The following NEGR1 variants were observed in gnomAD, a reference collection of about 807,000 sequenced individuals.
The protein encoded by NEGR1 is neuronal growth regulator 1.
NEGR1 carries 10 observed loss-of-function variants against 40.9 expected under a neutral mutation model. The ratio of observed to expected loss-of-function variants is 0.24; its 90% CI spans 0.15 to 0.42. The LOEUF is 0.42. NEGR1 is among the 10% of genes least tolerant of loss of function. The pLI, the probability that NEGR1 is intolerant of heterozygous loss-of-function variation, is 1.00. For synonymous variants in NEGR1, 185 were observed against 166.8 expected (o/e 1.11, Z -0.84); for missense variants, 352 against 438.9 (o/e 0.80, Z 1.77).
At position 72,200,480 on chromosome 1, in the gene NEGR1, A is replaced by C. The variant is rs140394374; in HGVS notation, c.176+81839T>G. On this transcript the variant is annotated intron_variant, in intron 1 of 6. Coordinates refer to ENST00000357731, the MANE Select transcript of NEGR1 (RefSeq NM_173808.3). The stretch of plus-strand genomic sequence containing the variant: ...AGCTAAACATTGAATACACATGGAC[A>C]CAAAGATGGCAACAATAGATATTGT... Among the ~76,000 whole-genome samples the C allele has an allele frequency of 6.9e-3, 1,047 of 151,986 alleles. 9 individuals are homozygous for C. The highest frequency in any genetic ancestry group is 0.024 in the African/African-American group (981 of 41,492).
intron 1 of NEGR1, among the ~76,000 whole-genome samples, chr1:72,265,611 TAA>T (rs1655612290): frequency 6.6e-6 from 1 of 150,878 alleles, no homozygotes. Flanking sequence ...CACCAGAAAC[TAA>T]AAGTTTTTAC....
intron 2 of NEGR1, among the ~76,000 whole-genome samples, chr1:71,875,593 C>A (rs549218150): frequency 6.6e-6 from 1 of 152,118 alleles, no homozygotes; most frequent in Non-Finnish European, 1.5e-5. Flanking sequence ...GTTTGATGTG[C>A]AGATACGGGC....
At chr1:71,840,233 C>A (rs1570418221) in intron 2 of NEGR1, among the ~76,000 whole-genome samples, 1 of 151,950 alleles carries the variant, frequency 6.6e-6, no homozygotes, top group African/African-American at 2.4e-5. Flanking sequence ...GAACAGTGAG[C>A]AAAATATAGT....
chr1:71,972,209 C>A (rs892822614), intron 1 of NEGR1, among the ~76,000 whole-genome samples: 2 of 152,150 alleles, frequency 1.3e-5, no homozygotes, highest in African/African-American at 4.8e-5. Flanking sequence ...GATATGAATG[C>A]ATTTATTACT....
chr1:71,453,834 T>C (rs1646650977), intron 6 of NEGR1, among the ~76,000 whole-genome samples: 1 of 152,162 alleles, frequency 6.6e-6, no homozygotes, highest in African/African-American at 2.4e-5. Flanking sequence ...GATTGTTCAC[T>C]GATGGGGAAC....
intron 1 of NEGR1, among the ~76,000 whole-genome samples, chr1:72,070,741 T>C (rs1647427103): frequency 6.6e-6 from 1 of 152,066 alleles, no homozygotes. Flanking sequence ...CTCATCCAAC[T>C]ACATTGTGGT....
At chr1:71,528,599 T>G (rs528513527) in intron 6 of NEGR1, among the ~76,000 whole-genome samples, 39 of 151,344 alleles carry the variant, frequency 2.6e-4, no homozygotes, top group Non-Finnish European at 4.1e-4. Flanking sequence ...CAGATAGCAT[T>G]TATTCAATTT....
At chr1:71,630,473 T>G (rs1362525603) in intron 4 of NEGR1, among the ~76,000 whole-genome samples, 1 of 151,960 alleles carries the variant, frequency 6.6e-6, no homozygotes, top group Non-Finnish European at 1.5e-5. Context: ...GTATAAAGAT[T>G]GGACAAGATG....
At chr1:72,196,578 T>C (rs1653006418) in intron 1 of NEGR1, among the ~76,000 whole-genome samples, 1 of 152,012 alleles carries the variant, frequency 6.6e-6, no homozygotes, top group Non-Finnish European at 1.5e-5. Context: ...AAGACCAGCC[T>C]AGTCAATATG....
chr1:71,522,231 C>T (rs1647163359), intron 6 of NEGR1, among the ~76,000 whole-genome samples: 1 of 151,852 alleles, frequency 6.6e-6, no homozygotes, highest in African/African-American at 2.4e-5. Flanking sequence ...TTATTCGAAG[C>T]CCAGTATGTA....
At chr1:72,246,501 A>G (rs954791573) in intron 1 of NEGR1, among the ~76,000 whole-genome samples, 1 of 152,236 alleles carries the variant, frequency 6.6e-6, no homozygotes, top group Non-Finnish European at 1.5e-5. Context: ...CCATTTAAAA[A>G]TCAGCTTAAG....
At chr1:72,110,172 G>A (rs928405278) in intron 1 of NEGR1, among the ~76,000 whole-genome samples, 1 of 139,266 alleles carries the variant, frequency 7.2e-6, no homozygotes, top group African/African-American at 2.7e-5. Flanking sequence ...CAATGCATAT[G>A]TAACTAACTT....
chr1:72,082,350 A>G (rs1416850605), intron 1 of NEGR1, among the ~76,000 whole-genome samples: 1 of 152,148 alleles, frequency 6.6e-6, no homozygotes, highest in Admixed American at 6.6e-5. Context: ...CATTAAAATG[A>G]AAAAGAATAA....
At chr1:71,587,217 A>T (rs1649335926) in intron 6 of NEGR1, among the ~76,000 whole-genome samples, 1 of 152,172 alleles carries the variant, frequency 6.6e-6, no homozygotes, top group Non-Finnish European at 1.5e-5. Context: ...TGAAGCAAGC[A>T]GAGAGCTGAA....
At chr1:72,150,660 A>C (rs1394105460) in intron 1 of NEGR1, among the ~76,000 whole-genome samples, 1 of 152,082 alleles carries the variant, frequency 6.6e-6, no homozygotes, top group Non-Finnish European at 1.5e-5. Context: ...ATTTATGGAA[A>C]AGCCTGGACT....
chr1:71,619,116 CT>C (rs1650535994), intron 4 of NEGR1, among the ~76,000 whole-genome samples: 1 of 152,076 alleles, frequency 6.6e-6, no homozygotes, highest in South Asian at 2.1e-4. Flanking sequence ...ACAGATGTAC[CT>C]GACAAAAATT....
At chr1:71,587,902 G>A (rs1015999370) in intron 6 of NEGR1, among the ~76,000 whole-genome samples, 2 of 152,064 alleles carry the variant, frequency 1.3e-5, no homozygotes, top group Admixed American at 1.3e-4. Flanking sequence ...TCTCAGGAGA[G>A]GGTTGTATTA....
At chr1:72,002,679 T>C (rs951805773) in intron 1 of NEGR1, among the ~76,000 whole-genome samples, 6 of 152,174 alleles carry the variant, frequency 3.9e-5, no homozygotes, top group Non-Finnish European at 8.8e-5. Flanking sequence ...ATGAGGAAAC[T>C]ATATTAAAAA....
chr1:71,997,067 A>G (rs1485528995), intron 1 of NEGR1, among the ~76,000 whole-genome samples: 1 of 151,872 alleles, frequency 6.6e-6, no homozygotes, highest in Non-Finnish European at 1.5e-5. Flanking sequence ...CCTCTATTTG[A>G]TGTGTTCCCA....
Sources: allele counts gnomAD v4.1 joint callset (sites outside exome capture counted in the v4.1 genomes callset), GRCh38; gene constraint gnomAD v4.1.1; transcripts MANE v1.5; gene names NCBI Gene and HGNC (gene_info 2026-07-23, HGNC 2026-07-21).